Variants in KIAA0319 observed in about 807,000 individuals in gnomAD.
The protein encoded by KIAA0319 is dyslexia-associated protein KIAA0319.
In KIAA0319, 83 loss-of-function variants were observed where a neutral mutation model predicts 108.4. That is an observed-to-expected ratio of 0.77 (90% CI 0.64 to 0.92). The LOEUF is 0.92. Among genes scored for constraint, KIAA0319 ranks in the 40% least tolerant of loss-of-function variants. The pLI, the probability that KIAA0319 is intolerant of heterozygous loss-of-function variation, is 0.00. For missense variants in KIAA0319, 1,195 were observed against 1,322.4 expected (o/e 0.90, Z 1.49); for synonymous variants, 484 against 510.4 (o/e 0.95, Z 0.70).
chr6:24,580,100 T>C (rs1766251378), intron 7 of KIAA0319, 150 bp from the exon 8 acceptor site: 3 of 590,306 alleles, frequency 5.1e-6, no homozygotes, highest in Non-Finnish European at 8.9e-6. Context: ...GAGCACTTTT[T>C]AAAGTCTGGA....
intron 13 of KIAA0319, 93 bp from the exon 14 acceptor site, chr6:24,566,841 C>T: frequency 8.4e-7 from 1 of 1,188,142 alleles, no homozygotes; most frequent in Non-Finnish European, 1.2e-6. Flanking sequence ...AACTCTTCCA[C>T]CTTGCAGATA....
intron 3 of KIAA0319, among the ~76,000 whole-genome samples, chr6:24,591,926 T>C (rs1028538949): frequency 6.6e-6 from 1 of 152,224 alleles, no homozygotes; most frequent in African/African-American, 2.4e-5. Flanking sequence ...GTTATTTATA[T>C]ATTCAGTATA....
chr6:24,561,091 C>G (rs973932124), intron 16 of KIAA0319, among the ~76,000 whole-genome samples: 2 of 152,204 alleles, frequency 1.3e-5, no homozygotes, highest in African/African-American at 4.8e-5. Context: ...TGGGATAAAT[C>G]CCACTTGGTT....
intron 6 of KIAA0319, 46 bp from the exon 7 acceptor site, chr6:24,581,059 T>C (rs776301126): frequency 8.3e-7 from 1 of 1,209,118 alleles, no homozygotes; most frequent in Non-Finnish European, 1.2e-6. Flanking sequence ...CAAGACGTGA[T>C]GGGTCCACTA....
intron 16 of KIAA0319, among the ~76,000 whole-genome samples, chr6:24,560,166 A>G (rs1408697646): frequency 6.6e-6 from 1 of 152,218 alleles, no homozygotes; most frequent in Non-Finnish European, 1.5e-5. Context: ...ATGAACATTC[A>G]TATACAAGTT....
intron 1 of KIAA0319, among the ~76,000 whole-genome samples, chr6:24,635,282 T>C (rs1776055972): frequency 6.6e-6 from 1 of 151,970 alleles, no homozygotes; most frequent in Non-Finnish European, 1.5e-5. Flanking sequence ...TTTTTGTATT[T>C]TTAGTAGAGA....
intron 2 of KIAA0319, chr6:24,600,720 T>C (rs183150554): frequency 0.012 from 17,642 of 1,462,720 alleles, 151 homozygotes; most frequent in South Asian, 0.016. Flanking sequence ...CTGAGTATAA[T>C]GAAAATAAAG....
At chr6:24,567,110 A>G (rs1764004459) in intron 13 of KIAA0319, among the ~76,000 whole-genome samples, 1 of 152,160 alleles carries the variant, frequency 6.6e-6, no homozygotes, top group Non-Finnish European at 1.5e-5. Flanking sequence ...ACTTTGGGTC[A>G]TTTTGTACTG....
chr6:24,627,709 C>T (rs535493965), intron 1 of KIAA0319, among the ~76,000 whole-genome samples: 3 of 152,274 alleles, frequency 2.0e-5, no homozygotes, highest in Admixed American at 1.3e-4. Flanking sequence ...TTTCCTACTC[C>T]GTAAATGGGA....
intron 18 of KIAA0319, among the ~76,000 whole-genome samples, chr6:24,555,036 T>C (rs1381846560): frequency 6.6e-6 from 1 of 152,202 alleles, no homozygotes; most frequent in Non-Finnish European, 1.5e-5. Flanking sequence ...TAATAAAGCA[T>C]CTATATGGCT....
chr6:24,568,198 C>T (rs1028162628), intron 13 of KIAA0319, among the ~76,000 whole-genome samples: 21 of 152,200 alleles, frequency 1.4e-4, no homozygotes, highest in African/African-American at 4.8e-4. Flanking sequence ...TCCAGCCAGG[C>T]TCTTATACTC....
rs531321022 is a variant in KIAA0319, at chr6:24,583,847, C to G, written c.995-145G>C. The G allele has an allele frequency of 2.3e-5, 14 of 608,350 alleles. No homozygotes were observed. In the East Asian group the frequency reaches 3.8e-4, roughly 16 times the overall value. The allele number at this position is 608,350 out of a possible 1,614,324, so 37.7% of individuals were successfully genotyped here. The stretch of plus-strand genomic sequence containing the variant: ...TCTTCATAAGATTTTAGCTAAGGCA[C>G]GTTTTTCCTCTGGCTAGAAATTGAA... On this transcript the variant is annotated intron_variant, in intron 4 of 20. Coordinates refer to ENST00000378214, the MANE Select transcript of KIAA0319 (RefSeq NM_014809.4).
rs1434007989 is a variant in KIAA0319 at position 24,578,204 on chromosome 6, C to T, written c.1411G>A (p.Glu471Lys). 6 of 1,606,902 alleles carry T rather than the reference C, an allele frequency of 3.7e-6. No homozygotes were observed. The South Asian group carries it at 5.5e-5, about 15-fold the overall frequency. The change falls in exon 9 of 21, where the codon GAA becomes AAA. Residue 471 changes from glutamate (E) to lysine (K), a missense_variant. Physicochemically the swap from Glu to Lys is moderately conservative, Grantham distance 56. Coordinates refer to ENST00000378214, the MANE Select transcript of KIAA0319 (RefSeq NM_014809.4). The part of the protein sequence containing the change: ...DDTEIVSYHW[E>K]EINGPFIEEK... The stretch of plus-strand genomic sequence containing the variant: ...TCTATGAAGGGCCCGTTTATTTCTT[C>T]CCAATGATAACTCACTATTTCAGTA...
At chr6:24,560,025 C>T (rs1484831980) in intron 16 of KIAA0319, among the ~76,000 whole-genome samples, 2 of 152,210 alleles carry the variant, frequency 1.3e-5, no homozygotes, top group Non-Finnish European at 2.9e-5. Flanking sequence ...TGTTGTAGCA[C>T]ACATCAATAC....
rs754397234 is a variant in KIAA0319, at chr6:24,601,080, G to A, written c.24C>T (p.Leu8=). The change falls in exon 2 of 21, where the codon CTC becomes CTT. Residue 8 remains leucine (L), a synonymous_variant. Coordinates refer to ENST00000378214, the MANE Select transcript of KIAA0319 (RefSeq NM_014809.4). MAPPTGV[L]SSLLLLVTIA... ...TTGTCACCAGCAGCAGCAATGAAGAGAGCACACCTGTGGGGGGCGCCATTG... is the reference window on the plus strand; with the variant it reads ...TTGTCACCAGCAGCAGCAATGAAGAAAGCACACCTGTGGGGGGCGCCATTG... The A allele has an allele frequency of 6.2e-7, 1 of 1,614,138 alleles. No individual in the cohort carries two copies. Among genetic ancestry groups the A allele is most frequent in the Non-Finnish European group, 8.5e-7 (1 of 1,180,022 alleles).
At chr6:24,606,652 T>C (rs1385459377) in intron 1 of KIAA0319, among the ~76,000 whole-genome samples, 1 of 152,200 alleles carries the variant, frequency 6.6e-6, no homozygotes, top group Non-Finnish European at 1.5e-5. Context: ...CATTTATTCC[T>C]TAGTAATAAA....
chr6:24,631,742 A>G (rs1775609405), intron 1 of KIAA0319, among the ~76,000 whole-genome samples: 2 of 152,242 alleles, frequency 1.3e-5, no homozygotes, highest in African/African-American at 4.8e-5. Flanking sequence ...CGGGGTCACC[A>G]CTGCTATCTA....
At chr6:24,593,798 C>G (rs183048525) in intron 3 of KIAA0319, among the ~76,000 whole-genome samples, 128 of 152,038 alleles carry the variant, frequency 8.4e-4, no homozygotes, top group African/African-American at 3.0e-3. Context: ...CTGTATAAAC[C>G]AGGAAGTAAA....
intron 10 of KIAA0319, among the ~76,000 whole-genome samples, chr6:24,574,798 T>C (rs1371767301): frequency 6.6e-6 from 1 of 150,526 alleles, no homozygotes; most frequent in African/African-American, 2.4e-5. Context: ...TTAAGAACTT[T>C]TGAAAAAAAA....
Sources: gnomAD v4.1 joint callset for allele counts (sites outside exome capture counted in the v4.1 genomes callset) on GRCh38, gnomAD v4.1.1 for gene constraint, MANE v1.5 for transcripts, NCBI Gene and HGNC (gene_info 2026-07-23, HGNC 2026-07-21) for gene names.